Variants in LIN54 observed in about 807,000 individuals in gnomAD.
LIN54 encodes the protein lin-54 DREAM MuvB core complex component, also known as protein lin-54 homolog.
LIN54 carries 9 observed loss-of-function variants against 78.7 expected under a neutral mutation model. The ratio of observed to expected loss-of-function variants is 0.11; its 90% confidence interval spans 0.07 to 0.20. The LOEUF is 0.20. Ranked by LOEUF, LIN54 falls within the 10% of genes least tolerant of loss-of-function variation. LIN54 has a pLI of 1.00. For missense variants in LIN54, 573 were observed against 889.9 expected (o/e 0.64, Z 4.53); for synonymous variants, 269 against 318.4 (o/e 0.84, Z 1.65).
intron 4 of LIN54, among the ~76,000 whole-genome samples, chr4:82,948,475 A>C (rs1345884970): frequency 6.6e-6 from 1 of 152,238 alleles, no homozygotes; most frequent in East Asian, 1.9e-4. Context: ...ACATATAGCC[A>C]ATATACATAA....
chr4:82,956,626 T>C (rs1302498985), intron 4 of LIN54, among the ~76,000 whole-genome samples: 1 of 152,118 alleles, frequency 6.6e-6, no homozygotes, highest in Non-Finnish European at 1.5e-5. Flanking sequence ...TAAATAACAA[T>C]TTTTAAAAAG....
intron 2 of LIN54, among the ~76,000 whole-genome samples, chr4:82,979,939 CAAAAAAAAAAAAA>C (rs70943176): frequency 5.4e-4 from 27 of 49,852 alleles, no homozygotes; most frequent in East Asian, 4.7e-3. Flanking sequence ...GACTCTGTCT[CAAAAAAAAAAAAA>C]AAAAAAAAAA....
At chr4:82,974,079 A>G (rs13103322) in intron 3 of LIN54, among the ~76,000 whole-genome samples, 31,416 of 151,776 alleles carry the variant, frequency 0.21, 3,367 homozygotes, top group South Asian at 0.33. Context: ...GTGTGGTGGC[A>G]GGCACCTGTA....
chr4:82,938,064 T>G (rs1560721390), intron 8 of LIN54, among the ~76,000 whole-genome samples: 1 of 152,132 alleles, frequency 6.6e-6, no homozygotes, highest in Non-Finnish European at 1.5e-5. Flanking sequence ...CCTGGGAGGT[T>G]GCAGTGAGCT....
At chr4:82,972,837 C>T (rs995843576) in intron 3 of LIN54, among the ~76,000 whole-genome samples, 1 of 151,578 alleles carries the variant, frequency 6.6e-6, no homozygotes, top group African/African-American at 2.4e-5. Flanking sequence ...AAAAATTAGC[C>T]AGGCGTGGTA....
intron 4 of LIN54, among the ~76,000 whole-genome samples, chr4:82,955,699 C>T (rs1364327866): frequency 6.6e-6 from 1 of 151,122 alleles, no homozygotes; most frequent in Non-Finnish European, 1.5e-5. Context: ...GTGGGAGGAT[C>T]GCTTGAACTC....
chr4:83,008,291 T>C (rs1729566263), intron 1 of LIN54, among the ~76,000 whole-genome samples: 1 of 152,210 alleles, frequency 6.6e-6, no homozygotes, highest in South Asian at 2.1e-4. Flanking sequence ...ATTGAGGTTA[T>C]TTTATCCACT....
In LIN54 at chr4:83,004,394, G is replaced by A. The variant is rs879146709; in HGVS notation, c.-33+6090C>T. On this transcript the variant is annotated intron_variant, in intron 1 of 12. Transcript: ENST00000340417. ...AGCCTGGGTGACAGAGTGAGACTCC[G>A]TTGCAAAAAAAAAAAAAAAAAAGAA... Among the ~76,000 whole-genome samples, 305 of 55,916 alleles carry A rather than the reference G, an allele frequency of 5.5e-3. 9 individuals are homozygous for A. The highest frequency in any genetic ancestry group is 2.3e-3 in the Non-Finnish European group (65 of 28,462). 36.7% of individuals were successfully genotyped at this position (55,916 alleles called of 152,430 possible). A position where few individuals can be genotyped will look rare whatever the true frequency, so the allele number is the denominator to read the frequency against.
At chr4:82,985,826 C>G (rs1347306025) in intron 1 of LIN54, among the ~76,000 whole-genome samples, 1 of 152,114 alleles carries the variant, frequency 6.6e-6, no homozygotes, top group African/African-American at 2.4e-5. Flanking sequence ...CAGGCGTGAG[C>G]CACCGTGCCT....
chr4:82,994,257 CTATTAT>C (rs1727998816), intron 1 of LIN54, among the ~76,000 whole-genome samples: 1 of 151,986 alleles, frequency 6.6e-6, no homozygotes, highest in Non-Finnish European at 1.5e-5. Flanking sequence ...TCTAGCTATG[CTATTAT>C]TATTGATTAC....
At chr4:82,987,873 T>C (rs935494146) in intron 1 of LIN54, among the ~76,000 whole-genome samples, 2 of 152,262 alleles carry the variant, frequency 1.3e-5, no homozygotes, top group African/African-American at 4.8e-5. Context: ...TAGAATGATT[T>C]ATATTCCTTT....
chr4:82,955,546 A>G (rs1386873357), intron 4 of LIN54, among the ~76,000 whole-genome samples: 1 of 152,158 alleles, frequency 6.6e-6, no homozygotes, highest in African/African-American at 2.4e-5. Flanking sequence ...AAAGACAGAC[A>G]TATAGAACTG....
intron 7 of LIN54, among the ~76,000 whole-genome samples, chr4:82,939,246 C>G (rs1276805861): frequency 6.6e-6 from 1 of 152,210 alleles, no homozygotes; most frequent in Non-Finnish European, 1.5e-5. Flanking sequence ...CATTTGGACT[C>G]TGCTGATTTT....
chr4:83,004,452 G>A (rs982453388), intron 1 of LIN54, among the ~76,000 whole-genome samples: 4 of 151,400 alleles, frequency 2.6e-5, no homozygotes, highest in South Asian at 2.1e-4. Flanking sequence ...GCACATCTGC[G>A]CTAGGACAGA....
rs1219592505 is a variant in LIN54 at position 82,925,008 on chromosome 4, G to GA, written c.*3093dup. On this transcript the variant is annotated 3_prime_UTR_variant, in exon 13 of 13. Coordinates refer to ENST00000340417, the MANE Select transcript of LIN54 (RefSeq NM_194282.4). ...TTTTATTCACATTTTACATAAGATT[G>GA]AAAAAATGTCAGTTGTTCACTACCA... 1 of 152,356 alleles carries GA rather than the reference G, an allele frequency of 6.6e-6. No individual in the cohort carries two copies. The highest frequency in any genetic ancestry group is 2.4e-5 in the African/African-American group (1 of 41,386). The allele number at this position is 152,356 out of a possible 1,614,324, so 9.4% of individuals were successfully genotyped here.
chr4:82,962,599 T>A (rs1724887590), intron 4 of LIN54, among the ~76,000 whole-genome samples: 1 of 151,528 alleles, frequency 6.6e-6, no homozygotes, highest in Admixed American at 6.6e-5. Context: ...AGATGGGAAC[T>A]CTAAGAGTCA....
intron 7 of LIN54, 79 bp from the exon 8 acceptor site, chr4:82,938,583 T>C: frequency 1.3e-6 from 1 of 759,552 alleles, no homozygotes; most frequent in Admixed American, 2.3e-5. Context: ...CAGTAAGAAA[T>C]ACAAATTCAT....
At chr4:83,003,833 T>C (rs1000050755) in intron 1 of LIN54, among the ~76,000 whole-genome samples, 3 of 152,184 alleles carry the variant, frequency 2.0e-5, no homozygotes, top group African/African-American at 7.2e-5. Context: ...ACCTAATTTT[T>C]TTTTAAAAAA....
intron 4 of LIN54, among the ~76,000 whole-genome samples, chr4:82,951,323 T>C (rs975408106): frequency 2.0e-5 from 3 of 152,324 alleles, no homozygotes; most frequent in African/African-American, 4.8e-5. Context: ...TATTTTTCCA[T>C]GGATATTAAT....
Sources: gnomAD v4.1 joint callset for allele counts (sites outside exome capture counted in the v4.1 genomes callset) on GRCh38, gnomAD v4.1.1 for gene constraint, MANE v1.5 for transcripts, NCBI Gene and HGNC (gene_info 2026-07-23, HGNC 2026-07-21) for gene names.